The following SOX5 variants were observed in gnomAD, a reference collection of about 807,000 sequenced individuals.
SOX5 encodes the protein transcription factor SOX-5.
A neutral mutation model predicts 92.0 loss-of-function variants in SOX5; 9 were observed. The observed-to-expected ratio is 0.10, with a 90% CI of 0.06 to 0.17. The LOEUF is 0.17. Ranked by LOEUF, SOX5 falls within the 10% of genes least tolerant of loss-of-function variation. The probability of loss-of-function intolerance (pLI) is 1.00; values close to 1 mark genes in which losing one functional copy is unlikely to be tolerated. For missense variants in SOX5, 642 were observed against 944.5 expected, an observed-to-expected ratio of 0.68 and a Z score of 4.20; for synonymous variants, 344 against 336.3, an observed-to-expected ratio of 1.02 and a Z score of -0.25.
intron 4 of SOX5, among the ~76,000 whole-genome samples, chr12:23,749,183 T>C (rs912281819): frequency 1.3e-5 from 2 of 151,872 alleles, no homozygotes; most frequent in African/African-American, 4.8e-5. Context: ...TAATTAGTTC[T>C]TTACATTAAG....
chr12:24,305,129 GTTA>G (rs1948427298), intron 2 of SOX5, among the ~76,000 whole-genome samples: 1 of 152,104 alleles, frequency 6.6e-6, no homozygotes, highest in Non-Finnish European at 1.5e-5. Flanking sequence ...CGATAATTAT[GTTA>G]TTATGACTAA....
At chr12:23,916,151 A>G (rs1404495168) in intron 1 of SOX5, among the ~76,000 whole-genome samples, 1 of 152,210 alleles carries the variant, frequency 6.6e-6, no homozygotes, top group African/African-American at 2.4e-5. Flanking sequence ...TTAGCTACTG[A>G]AATAGTTGAT....
intron 4 of SOX5, among the ~76,000 whole-genome samples, chr12:24,023,336 C>G (rs10842259): frequency 0.3 from 45,202 of 151,986 alleles, 7,391 homozygotes; most frequent in East Asian, 0.6. Flanking sequence ...ATTACTTGAT[C>G]TGCATATTTA....
chr12:24,163,762 T>C (rs1358819746), intron 4 of SOX5, among the ~76,000 whole-genome samples: 1 of 152,070 alleles, frequency 6.6e-6, no homozygotes, highest in Non-Finnish European at 1.5e-5. Flanking sequence ...AGCCTCTTGT[T>C]CAGTGCTTTT....
At chr12:24,035,452 T>C (rs1408942093) in intron 4 of SOX5, among the ~76,000 whole-genome samples, 1 of 152,110 alleles carries the variant, frequency 6.6e-6, no homozygotes, top group Non-Finnish European at 1.5e-5. Flanking sequence ...ACATGCCACT[T>C]GAAGCTGTAA....
At chr12:23,615,498 C>A (rs2076448960) in intron 8 of SOX5, among the ~76,000 whole-genome samples, 1 of 152,082 alleles carries the variant, frequency 6.6e-6, no homozygotes, top group South Asian at 2.1e-4. Flanking sequence ...TCTCCCTTTT[C>A]CCATTCTCTA....
At chr12:23,604,244 ACACCTGTTGCC>A in intron 9 of SOX5, 132 bp downstream of exon 9, 1 of 710,622 alleles carries the variant, frequency 1.4e-6, no homozygotes, top group Non-Finnish European at 2.4e-6. Flanking sequence ...GTTGACATGC[ACACCTGTTGCC>A]CTTACTTGAT....
At position 23,740,947 on chromosome 12, in the gene SOX5, C is replaced by T. The variant is rs773273637; in HGVS notation, c.661G>A (p.Asp221Asn). The part of the protein sequence containing the change: ...SLREQLLAAH[D>N]EQKKLAASQI... ...GAGGCAGCTAGTTTCTTCTGCTCAT[C>T]GTGGGCAGCCAACAGCTGCTCTCGG... Residue 221 changes from aspartate (D) to asparagine (N), a missense_variant, in exon 5 of 15, where the codon GAT becomes AAT. This residue lies in a region of SOX5 where 324 missense variants were observed against 461.6 expected (regional missense o/e 0.70). Transcript: ENST00000451604. 12 of 1,612,580 alleles carry T rather than the reference C, an allele frequency of 7.4e-6. No individual in the cohort carries two copies. In the South Asian group the frequency reaches 7.7e-5, roughly 10 times the overall value.
At chr12:24,249,478 G>A (rs1230480901) in intron 3 of SOX5, among the ~76,000 whole-genome samples, 5 of 152,124 alleles carry the variant, frequency 3.3e-5, no homozygotes, top group Non-Finnish European at 7.4e-5. Context: ...GGTTTTCGTG[G>A]TGTATCTTTT....
intron 4 of SOX5, among the ~76,000 whole-genome samples, chr12:24,054,998 C>T (rs1438787863): frequency 6.6e-6 from 1 of 152,012 alleles, no homozygotes; most frequent in Non-Finnish European, 1.5e-5. Context: ...ATTTTTTATA[C>T]TTTTGAAATT....
At chr12:23,559,910 GTTATTA>G in intron 11 of SOX5, among the ~76,000 whole-genome samples, 1 of 151,860 alleles carries the variant, frequency 6.6e-6, no homozygotes, top group South Asian at 2.1e-4. Flanking sequence ...AGTTAGGAGT[GTTATTA>G]TTATTATTAT....
chr12:24,180,021 T>A (rs1467039486), intron 4 of SOX5, among the ~76,000 whole-genome samples: 1 of 151,690 alleles, frequency 6.6e-6, no homozygotes. Context: ...CATCGCTCAC[T>A]GCATCCTCGA....
chr12:24,562,127 C>T lies in SOX5; in HGVS notation c.-251+202G>A, dbSNP rs2291438. On this transcript the variant is annotated intron_variant, in intron 1 of 4. Transcript: ENST00000446891. The stretch of plus-strand genomic sequence containing the variant: ...CCTCGGGCCGCCTCCCACCTCTCCG[C>T]CACCCCCAGCCCAGTCCCCCTCCCT... Among the ~76,000 whole-genome samples, 127,542 of 152,174 alleles carry T rather than the reference C, an allele frequency of 0.84. 53,467 individuals carry two copies. Among genetic ancestry groups the T allele is most frequent in the East Asian group, 0.9 (4,625 of 5,132 alleles).
At chr12:23,942,225 C>T (rs937254397) in intron 1 of SOX5, among the ~76,000 whole-genome samples, 1 of 151,668 alleles carries the variant, frequency 6.6e-6, no homozygotes, top group Non-Finnish European at 1.5e-5. Flanking sequence ...TGTCGTATTT[C>T]TTTTTCATTA....
chr12:24,247,244 A>T (rs1287802217), intron 3 of SOX5, among the ~76,000 whole-genome samples: 3 of 10,854 alleles, frequency 2.8e-4, no homozygotes, highest in Non-Finnish European at 1.5e-3. Context: ...ACATTAATCG[A>T]CCAATGAAAA....
chr12:23,685,638 C>T (rs190358835), intron 6 of SOX5, among the ~76,000 whole-genome samples: 2 of 148,792 alleles, frequency 1.3e-5, no homozygotes, highest in Non-Finnish European at 3.0e-5. Flanking sequence ...TCCCCCCCCC[C>T]AAAAATCTAA....
intron 4 of SOX5, among the ~76,000 whole-genome samples, chr12:23,979,600 C>T (rs959942347): frequency 6.7e-6 from 1 of 148,434 alleles, no homozygotes; most frequent in African/African-American, 2.5e-5. Flanking sequence ...TGTAATCTTA[C>T]ATCTTAATGT....
intron 6 of SOX5, among the ~76,000 whole-genome samples, chr12:23,708,843 T>C (rs2091738498): frequency 1.3e-5 from 2 of 152,204 alleles, no homozygotes. Flanking sequence ...TAGTCATTTG[T>C]AGCCCACAAA....
At chr12:23,997,613 A>G (rs1396585011) in intron 4 of SOX5, among the ~76,000 whole-genome samples, 1 of 152,184 alleles carries the variant, frequency 6.6e-6, no homozygotes, top group Non-Finnish European at 1.5e-5. Context: ...GTGATGCCTT[A>G]TACATGAAGA....
Sources: allele counts gnomAD v4.1 joint callset (sites outside exome capture counted in the v4.1 genomes callset), GRCh38; gene constraint gnomAD v4.1.1; regional missense constraint gnomAD v4.1.1; transcripts MANE v1.5; gene names NCBI Gene and HGNC (gene_info 2026-07-23, HGNC 2026-07-21).